The following TOGARAM1 variants were observed in gnomAD, a reference collection of about 807,000 sequenced individuals.
TOGARAM1 encodes TOG array regulator of axonemal microtubules protein 1.
A neutral mutation model predicts 166.6 loss-of-function variants in TOGARAM1; 100 were observed. That is an observed-to-expected ratio of 0.60 (90% CI 0.51 to 0.71). The LOEUF is 0.71. Among genes scored for constraint, TOGARAM1 ranks in the 30% least tolerant of loss-of-function variants. TOGARAM1 has a pLI of 0.00. For synonymous variants in TOGARAM1, 758 were observed against 763.8 expected (o/e 0.99, Z 0.13); for missense variants, 2,029 against 2,102.7 (o/e 0.96, Z 0.69).
intron 6 of TOGARAM1, among the ~76,000 whole-genome samples, chr14:45,009,832 G>A (rs1453954973): frequency 3.9e-5 from 6 of 152,258 alleles, no homozygotes; most frequent in African/African-American, 1.4e-4. Flanking sequence ...CCTACTGTAG[G>A]ATTTTGGAGA....
intron 5 of TOGARAM1, 127 bp from the exon 6 acceptor site, chr14:45,008,786 T>C: frequency 1.6e-6 from 1 of 632,828 alleles, no homozygotes; most frequent in Non-Finnish European, 2.7e-6. Flanking sequence ...TTAGTATTCA[T>C]CTTGTTTTAG....
At chr14:45,071,874 A>G in intron 19 of TOGARAM1, 76 bp downstream of exon 19, 1 of 1,117,966 alleles carries the variant, frequency 8.9e-7, no homozygotes, top group South Asian at 1.5e-5. Context: ...ATTTAATTTT[A>G]GGATAGCTAC....
rs770145117 is a variant in TOGARAM1 at position 45,036,130 on chromosome 14, TAA to T, written c.3812+3780_3812+3781del. 4.3e-3 allele frequency among the ~76,000 whole-genome samples: 126 copies of T among 29,164 alleles called. 1 individual carries two copies. The highest frequency in any genetic ancestry group is 8.5e-3 in the African/African-American group (102 of 12,060). The allele number at this position is 29,164 out of a possible 152,430, so 19.1% of individuals were successfully genotyped here. A position where few individuals can be genotyped will look rare whatever the true frequency, so the allele number is the denominator to read the frequency against. ...GAGCAACAGAACAAGACCTTGTCTC[TAA>T]AAAAAAAAAAAAAAAAAAAAAAAAA... On this transcript the variant is annotated intron_variant, in intron 11 of 19. Coordinates refer to ENST00000361462, the MANE Select transcript of TOGARAM1 (RefSeq NM_001308120.2).
rs1284343507 is a variant in TOGARAM1, at chr14:45,032,370, A to C, written c.3806A>C (p.Glu1269Ala). 3.1e-6 allele frequency: 5 copies of C among 1,613,258 alleles called. No individual in the cohort carries two copies. Among genetic ancestry groups the C allele is most frequent in the Non-Finnish European group, 4.2e-6 (5 of 1,179,814 alleles). The change falls in exon 11 of 20, where the codon GAG becomes GCG. Residue 1269 changes from glutamate to alanine, a missense_variant. This residue lies in a region of TOGARAM1 where 576 missense variants were observed against 670.5 expected (regional missense o/e 0.86). Coordinates refer to ENST00000361462, the MANE Select transcript of TOGARAM1 (RefSeq NM_001308120.2). ...GAAGCCCTGAGGCTTTTGGCTGATG[A>C]GGATTGGTAAGTTCACCATCCTTAA... Reference protein sequence around the residue: ...LTEALRLLADEDWEKKIEGLN... With the variant: ...LTEALRLLADADWEKKIEGLN...
At chr14:45,011,303 G>A (rs1156590666) in intron 6 of TOGARAM1, among the ~76,000 whole-genome samples, 2 of 151,994 alleles carry the variant, frequency 1.3e-5, no homozygotes, top group East Asian at 1.9e-4. Flanking sequence ...AGAATGATTT[G>A]ACTTGTTATA....
chr14:44,968,328 C>T (rs1376240387), intron 1 of TOGARAM1, among the ~76,000 whole-genome samples: 1 of 152,176 alleles, frequency 6.6e-6, no homozygotes. Context: ...GGCGCGATCT[C>T]GGCTCACTGC....
intron 13 of TOGARAM1, among the ~76,000 whole-genome samples, chr14:45,045,740 C>CGTGT (rs1295149942): frequency 2.5e-4 from 33 of 133,270 alleles, no homozygotes; most frequent in Admixed American, 9.2e-4. Context: ...TATATATACA[C>CGTGT]ATATGTATAT....
chr14:45,016,720 T>G (rs1880164707), intron 7 of TOGARAM1, among the ~76,000 whole-genome samples: 1 of 152,154 alleles, frequency 6.6e-6, no homozygotes, highest in Admixed American at 6.5e-5. Flanking sequence ...AAAGCCTATT[T>G]TATGAAATGT....
rs533727808 is a variant in TOGARAM1 at position 44,970,962 on chromosome 14, A to G, written c.2046+6495A>G. ...CTAATATTTTGTTGAGGATTTTCAC[A>G]TGTTTGTTCATAGGTGATATTGGTC... On this transcript the variant is annotated intron_variant, in intron 1 of 19. Coordinates refer to ENST00000361462, the MANE Select transcript of TOGARAM1 (RefSeq NM_001308120.2). 2.1e-4 allele frequency among the ~76,000 whole-genome samples: 32 copies of G among 152,014 alleles called. No individual in the cohort carries two copies. In the South Asian group the frequency reaches 4.4e-3, roughly 21 times the overall value.
intron 7 of TOGARAM1, 96 bp downstream of exon 7, chr14:45,012,171 T>C (rs1331248175): frequency 1.3e-6 from 1 of 773,032 alleles, no homozygotes; most frequent in Non-Finnish European, 2.0e-6. Context: ...CATGTTGTTG[T>C]GCATACTGGT....
chr14:45,008,509 A>G (rs1879595441), intron 5 of TOGARAM1, among the ~76,000 whole-genome samples: 2 of 152,306 alleles, frequency 1.3e-5, no homozygotes, highest in African/African-American at 4.8e-5. Flanking sequence ...GATTTTCATG[A>G]ATCACCTCCC....
chr14:45,053,163 C>T (rs1375834059), intron 15 of TOGARAM1, among the ~76,000 whole-genome samples: 1 of 151,440 alleles, frequency 6.6e-6, no homozygotes, highest in African/African-American at 2.4e-5. Flanking sequence ...CTCAGCCTCT[C>T]GAGTAGCTGG....
rs763855732 is a variant in TOGARAM1 at position 44,963,806 on chromosome 14, T to G, written c.1385T>G (p.Leu462Arg). The G allele has an allele frequency of 1.2e-6, 2 of 1,613,994 alleles. No individual in the cohort carries two copies. Among genetic ancestry groups the G allele is most frequent in the Admixed American group, 1.7e-5 (1 of 59,994 alleles). Reference sequence around the variant, plus strand: ...GAATACATGAAAATCTTCCTCAAGCTAATGAAGGAAGTAGGACCTCAGCAG... The same window carrying G: ...GAATACATGAAAATCTTCCTCAAGCGAATGAAGGAAGTAGGACCTCAGCAG... ...KQEYMKIFLKLMKEVGPQQVL... is the reference protein window; with the variant it reads ...KQEYMKIFLKRMKEVGPQQVL... The change falls in exon 1 of 20, where the codon CTA becomes CGA. Residue 462 changes from leucine (L) to arginine (R), a missense_variant. Leu to Arg is a moderately radical substitution (Grantham distance 102, BLOSUM62 -2). Coordinates refer to ENST00000361462, the MANE Select transcript of TOGARAM1 (RefSeq NM_001308120.2).
intron 15 of TOGARAM1, among the ~76,000 whole-genome samples, chr14:45,052,986 C>T (rs560133965): frequency 6.6e-6 from 1 of 151,500 alleles, no homozygotes; most frequent in Non-Finnish European, 1.5e-5. Context: ...GCTATTACCA[C>T]ACTGCAGAAC....
At chr14:45,019,470 C>T (rs1880362076) in intron 7 of TOGARAM1, among the ~76,000 whole-genome samples, 1 of 152,030 alleles carries the variant, frequency 6.6e-6, no homozygotes, top group African/African-American at 2.4e-5. Flanking sequence ...GAGTGGTTCT[C>T]TGTTTTCTTT....
At chr14:45,026,877 G>T (rs1234667977) in intron 8 of TOGARAM1, among the ~76,000 whole-genome samples, 3 of 151,834 alleles carry the variant, frequency 2.0e-5, no homozygotes, top group Non-Finnish European at 4.4e-5. Flanking sequence ...GCCTGGTGCT[G>T]TGCGTCTGTA....
At chr14:45,003,562 G>A (rs559645106) in intron 3 of TOGARAM1, among the ~76,000 whole-genome samples, 2 of 152,110 alleles carry the variant, frequency 1.3e-5, no homozygotes, top group South Asian at 2.1e-4. Context: ...CTTTTTAAGA[G>A]CATTACCTAA....
intron 7 of TOGARAM1, among the ~76,000 whole-genome samples, chr14:45,015,825 T>G (rs1880099962): frequency 6.6e-6 from 1 of 152,166 alleles, no homozygotes; most frequent in Admixed American, 6.5e-5. Context: ...TTTATCCCTA[T>G]GTAGTTTACT....
At chr14:45,043,639 G>C (rs1417687985) in intron 11 of TOGARAM1, 47 bp from the exon 12 acceptor site, 6 of 1,012,174 alleles carry the variant, frequency 5.9e-6, no homozygotes, top group Non-Finnish European at 9.5e-6. Flanking sequence ...TCCTGTTCCA[G>C]TTGAGTCCCA....
Sources: allele counts gnomAD v4.1 joint callset (sites outside exome capture counted in the v4.1 genomes callset), GRCh38; gene constraint gnomAD v4.1.1; regional missense constraint gnomAD v4.1.1; transcripts MANE v1.5; gene names NCBI Gene and HGNC (gene_info 2026-07-23, HGNC 2026-07-21).